ELK4: variants seen among roughly 807,000 people sequenced by gnomAD.
The protein encoded by ELK4 is ETS transcription factor ELK4.
In ELK4, 16 loss-of-function variants were observed where a neutral mutation model predicts 29.6. That is an observed-to-expected ratio of 0.54 (90% CI 0.37 to 0.82). The LOEUF (loss-of-function observed/expected upper bound fraction) is 0.82. Ranked by LOEUF, ELK4 falls within the 40% of genes least tolerant of loss-of-function variation. ELK4 has a pLI of 0.00. For synonymous variants in ELK4, 213 were observed against 191.1 expected, an observed-to-expected ratio of 1.11 and a Z score of -0.95; for missense variants, 465 against 507.1, an observed-to-expected ratio of 0.92 and a Z score of 0.80.
intron 3 of ELK4, 156 bp downstream of exon 3, chr1:205,619,810 T>C (rs570032817): frequency 5.4e-5 from 83 of 1,547,916 alleles, no homozygotes; most frequent in Non-Finnish European, 1.1e-5. Context: ...CTAATTAAGA[T>C]GAGAAATGGG....
intron 1 of ELK4, 118 bp from the exon 2 acceptor site, chr1:205,624,009 A>T (rs990400182): frequency 1.1e-6 from 1 of 911,786 alleles, no homozygotes; most frequent in Non-Finnish European, 1.7e-6. Context: ...CATTTCTATA[A>T]GGTAGATACT....
Position 205,620,366 on chromosome 1 carries a change from G to C in ELK4, c.680C>G (p.Thr227Arg). The C allele has an allele frequency of 6.2e-7, 1 of 1,614,196 alleles. No individual in the cohort carries two copies. Among genetic ancestry groups the C allele is most frequent in the South Asian group, 1.1e-5 (1 of 91,086 alleles). The change falls in exon 3 of 5, where the codon ACA becomes AGA. Residue 227 changes from threonine (T) to arginine (R), a missense_variant. Around this residue, in one of 2 missense-constraint regions of ELK4, gnomAD observed 385 missense variants for 387.5 expected, o/e 0.99. Coordinates refer to ENST00000357992, the MANE Select transcript of ELK4 (RefSeq NM_001973.4). ...GGAAGGCAGTTTTGGGGAAACCAAT[G>C]TCTCCAAAGCTTGGATAGTTTCTTC... ...SSEETIQALETLVSPKLPSLE... is the reference protein window; with the variant it reads ...SSEETIQALERLVSPKLPSLE...
chr1:205,627,944 G>C (rs1267832502), intron 1 of ELK4, among the ~76,000 whole-genome samples: 1 of 152,190 alleles, frequency 6.6e-6, no homozygotes. Context: ...AGAATTCATG[G>C]AAAAGCTGAG....
At position 205,615,469 on chromosome 1, in the gene ELK4, C is replaced by T. The variant is rs1185090136; in HGVS notation, c.*1077G>A. On this transcript the variant is annotated 3_prime_UTR_variant, in exon 5 of 5. Transcript: ENST00000357992. The stretch of plus-strand genomic sequence containing the variant: ...GGGGAGGCTTCACTTTGAATTCTAC[C>T]TTCCTAACTGCATCTTTAAAACTAT... 2 of 173,344 alleles carry T rather than the reference C, an allele frequency of 1.2e-5. No homozygotes were observed. The highest frequency in any genetic ancestry group is 2.5e-5 in the Non-Finnish European group (2 of 80,478). The allele number at this position is 173,344 out of a possible 1,614,324, so 10.7% of individuals were successfully genotyped here. A position where few individuals can be genotyped will look rare whatever the true frequency, so the allele number is the denominator to read the frequency against.
At chr1:205,631,375 A>G (rs1670582282) in intron 1 of ELK4, among the ~76,000 whole-genome samples, 1 of 149,496 alleles carries the variant, frequency 6.7e-6, no homozygotes, top group African/African-American at 2.5e-5. Context: ...ACGCCGAAAA[A>G]ATCGCCGCCA....
At chr1:205,626,462 G>A (rs1182713202) in intron 1 of ELK4, among the ~76,000 whole-genome samples, 1 of 152,078 alleles carries the variant, frequency 6.6e-6, no homozygotes, top group Non-Finnish European at 1.5e-5. Context: ...TGCCCAAGGG[G>A]CTCAGAACCC....
In ELK4 at chr1:205,610,694, G is replaced by A. The variant is rs567203703; in HGVS notation, c.*5852C>T. On this transcript the variant is annotated 3_prime_UTR_variant, in exon 5 of 5. Transcript: ENST00000357992. ...TTTTAAAAAGTGGCAACTGCAAAGT[G>A]CAGCAAATTTTTTTAAGTTTTAGTA... 6.0e-5 allele frequency: 14 copies of A among 231,644 alleles called. No individual in the cohort carries two copies. In the East Asian group the frequency reaches 8.6e-4, roughly 14 times the overall value. 14.3% of individuals were successfully genotyped at this position (231,644 alleles called of 1,614,324 possible).
At chr1:205,630,763 T>C (rs900871835) in intron 1 of ELK4, among the ~76,000 whole-genome samples, 4 of 152,184 alleles carry the variant, frequency 2.6e-5, no homozygotes, top group African/African-American at 7.2e-5. Context: ...AGGGAAAATA[T>C]TGAATCATAC....
At chr1:205,627,231 A>T (rs1670483453) in intron 1 of ELK4, among the ~76,000 whole-genome samples, 1 of 152,170 alleles carries the variant, frequency 6.6e-6, no homozygotes, top group Non-Finnish European at 1.5e-5. Flanking sequence ...AAACTTAGGC[A>T]GGGCGCAGTG....
intron 1 of ELK4, chr1:205,626,067 GC>G: frequency 8.5e-7 from 1 of 1,169,784 alleles, no homozygotes; most frequent in Non-Finnish European, 1.3e-6. Context: ...GCCCACCAGT[GC>G]CACAATGGGT....
In ELK4 at chr1:205,609,623, C is replaced by T. The variant is rs1670124772; in HGVS notation, c.*6923G>A. ...GCAATGAATGTACATACAAAGGCCA[C>T]TGGTTAATACTGCCCCAAGTAACAA... On this transcript the variant is annotated 3_prime_UTR_variant, in exon 5 of 5. Transcript: ENST00000357992. 1 of 204,708 alleles carries T rather than the reference C, an allele frequency of 4.9e-6. No homozygotes were observed. The highest frequency in any genetic ancestry group is 2.3e-5 in the African/African-American group (1 of 43,760). The allele number at this position is 204,708 out of a possible 1,614,324, so 12.7% of individuals were successfully genotyped here.
At chr1:205,624,405 C>G (rs1472176530) in intron 1 of ELK4, among the ~76,000 whole-genome samples, 1 of 152,148 alleles carries the variant, frequency 6.6e-6, no homozygotes, top group Non-Finnish European at 1.5e-5. Flanking sequence ...CAGGGTGGCC[C>G]AGGGACTGAG....
In ELK4 at chr1:205,631,655, C is replaced by G; in HGVS notation, c.-33G>C. ...ACCGACGCCGCGCGCGGGGCTCCCC[C>G]TCGGTCTCCGCCTCGAACACGATGC... On this transcript the variant is annotated 5_prime_UTR_variant, in exon 1 of 5. Transcript: ENST00000357992. 3.0e-6 allele frequency: 1 copy of G among 337,278 alleles called. No individual in the cohort carries two copies. The highest frequency in any genetic ancestry group is 2.0e-5 in the South Asian group (1 of 50,072). The allele number at this position is 337,278 out of a possible 1,614,324, so 20.9% of individuals were successfully genotyped here. A position where few individuals can be genotyped will look rare whatever the true frequency, so the allele number is the denominator to read the frequency against.
chr1:205,625,656 G>A, intron 1 of ELK4: 3 of 980,614 alleles, frequency 3.1e-6, no homozygotes, highest in Non-Finnish European at 3.3e-6. Context: ...TCTCACAGCT[G>A]GTCAGTTCTG....
At chr1:205,623,654 A>G (rs373284493) in intron 2 of ELK4, 22 bp downstream of exon 2, 10 of 1,612,500 alleles carry the variant, frequency 6.2e-6, no homozygotes, top group South Asian at 3.3e-5. Context: ...TCTGTATAGT[A>G]TAAGATCAGG....
chr1:205,623,618 A>G, intron 2 of ELK4, 58 bp downstream of exon 2: 5 of 1,591,582 alleles, frequency 3.1e-6, no homozygotes, highest in Non-Finnish European at 4.3e-6. Context: ...CCCAGCCAAG[A>G]AGGAATCGTT....
At chr1:205,629,184 A>G (rs796146694) in intron 1 of ELK4, among the ~76,000 whole-genome samples, 12 of 151,374 alleles carry the variant, frequency 7.9e-5, no homozygotes, top group Non-Finnish European at 5.9e-5. Flanking sequence ...AAAAAAAAAA[A>G]AAAAGAAAAG....
chr1:205,616,306 A>G lies in ELK4; in HGVS notation c.*240T>C, dbSNP rs1670231011. The G allele has an allele frequency of 7.7e-6, 3 of 387,984 alleles. No individual in the cohort carries two copies. Among genetic ancestry groups the G allele is most frequent in the Admixed American group, 3.8e-5 (1 of 26,002 alleles). 24.0% of individuals were successfully genotyped at this position (387,984 alleles called of 1,614,324 possible). On this transcript the variant is annotated 3_prime_UTR_variant, in exon 5 of 5. Transcript: ENST00000357992. ...AAGAAAAGGAAGGAAGGAAAGAAAAAGAAAAGGAAAAGACAGAGGGAGGTG... is the reference window on the plus strand; with the variant it reads ...AAGAAAAGGAAGGAAGGAAAGAAAAGGAAAAGGAAAAGACAGAGGGAGGTG...
At chr1:205,622,397 T>G (rs113880556) in intron 2 of ELK4, among the ~76,000 whole-genome samples, 1 of 152,358 alleles carries the variant, frequency 6.6e-6, no homozygotes, top group South Asian at 2.1e-4. Context: ...TGTGTGTATA[T>G]GTACATATAT....
Sources: gnomAD v4.1 joint callset for allele counts (sites outside exome capture counted in the v4.1 genomes callset) on GRCh38, gnomAD v4.1.1 for gene constraint, gnomAD v4.1.1 regional missense constraint, MANE v1.5 for transcripts, NCBI Gene and HGNC (gene_info 2026-07-23, HGNC 2026-07-21) for gene names.